Variants in ICE1 observed in about 807,000 individuals in gnomAD.
ICE1 encodes the protein interactor of little elongation complex ELL subunit 1.
A neutral mutation model predicts 192.7 loss-of-function variants in ICE1; 64 were observed. The observed-to-expected ratio is 0.33, with a 90% confidence interval of 0.27 to 0.41. The LOEUF (loss-of-function observed/expected upper bound fraction) is 0.41, where lower values mean the gene tolerates loss of function less well. Among genes scored for constraint, ICE1 ranks in the 10% least tolerant of loss-of-function variants. The pLI, the probability that ICE1 is intolerant of heterozygous loss-of-function variation, is 1.00. For missense variants in ICE1, 2,708 were observed against 2,696.0 expected, an observed-to-expected ratio of 1.00 and a Z score of -0.10; for synonymous variants, 1,010 against 984.5, an observed-to-expected ratio of 1.03 and a Z score of -0.49.
intron 1 of ICE1, among the ~76,000 whole-genome samples, chr5:5,425,911 C>T (rs929401112): frequency 2.6e-5 from 4 of 152,150 alleles, no homozygotes; most frequent in African/African-American, 9.7e-5. Context: ...AAAGAATGGG[C>T]AGGTCTCATG....
intron 1 of ICE1, among the ~76,000 whole-genome samples, chr5:5,433,241 C>T (rs1561073156): frequency 6.6e-6 from 1 of 152,148 alleles, no homozygotes; most frequent in South Asian, 2.1e-4. Flanking sequence ...AAGCAAACCT[C>T]TTTCTGCTGG....
intron 12 of ICE1, among the ~76,000 whole-genome samples, chr5:5,459,990 TC>T (rs1456467611): frequency 6.6e-6 from 1 of 150,748 alleles, no homozygotes; most frequent in African/African-American, 2.4e-5. Flanking sequence ...ACAGCGTCCC[TC>T]CCCCCCTGCA....
rs553640116 is a variant in ICE1 at position 5,445,612 on chromosome 5, C to T, written c.424+1286C>T. 1.3e-4 allele frequency among the ~76,000 whole-genome samples: 20 copies of T among 152,016 alleles called. No homozygotes were observed. In the South Asian group the frequency reaches 3.5e-3, roughly 27 times the overall value. On this transcript the variant is annotated intron_variant, in intron 7 of 18. Transcript: ENST00000296564. ...AAACCTAGCTAATTTTTGGCTTTCACCATGTTGGCCAGACTGGTCTCGAAC... is the reference window on the plus strand; with the variant it reads ...AAACCTAGCTAATTTTTGGCTTTCATCATGTTGGCCAGACTGGTCTCGAAC...
Position 5,463,204 on chromosome 5 carries a change from A to G in ICE1, c.3870A>G (p.Val1290=). The part of the protein sequence containing the change: ...KDTGSLLLLN[V]NNNMTTENLK... ...CTGGCAGTTTATTGCTCTTAAATGT[A>G]AATAACAACATGACCACTGAGAATT... Residue 1290 remains valine (V), a synonymous_variant, in exon 13 of 19, where the codon GTA becomes GTG. Transcript: ENST00000296564. The G allele has an allele frequency of 1.9e-6, 3 of 1,611,490 alleles. No individual in the cohort carries two copies. The highest frequency in any genetic ancestry group is 2.5e-6 in the Non-Finnish European group (3 of 1,179,060).
At chr5:5,457,295 G>T (rs780209252) in intron 11 of ICE1, 37 bp from the exon 12 acceptor site, 14 of 1,479,564 alleles carry the variant, frequency 9.5e-6, no homozygotes, top group East Asian at 4.6e-5. Context: ...TCTTGATATT[G>T]TAAATACCTG....
intron 1 of ICE1, 109 bp from the exon 2 acceptor site, chr5:5,436,309 T>C (rs1737871192): frequency 4.3e-6 from 3 of 690,286 alleles, no homozygotes; most frequent in Non-Finnish European, 6.8e-6. Flanking sequence ...TTAACATTTC[T>C]ATGTTTATAT....
In ICE1 at chr5:5,461,364, C is replaced by T. The variant is rs1362108054; in HGVS notation, c.2030C>T (p.Thr677Ile). ...EPHHSEHKLQ[T>I]KTLNTLHLQS... is the part of the protein sequence containing the mutation. ...CATCATTCAGAACATAAATTGCAAA[C>T]TAAAACTTTAAACACATTACATCTG... Residue 677 changes from threonine to isoleucine, a missense_variant, in exon 13 of 19, where the codon ACT becomes ATT. This residue lies in a region of ICE1 where 2,366 missense variants were observed against 2,276.6 expected (regional missense o/e 1.04). Transcript: ENST00000296564. The T allele has an allele frequency of 1.2e-6, 2 of 1,613,892 alleles. No individual in the cohort carries two copies. The highest frequency in any genetic ancestry group is 2.2e-5 in the East Asian group (1 of 44,864).
In ICE1 at chr5:5,422,945, G is replaced by T. The variant is rs528063438; in HGVS notation, c.30G>T (p.Ala10=). 119 of 1,447,752 alleles carry T rather than the reference G, an allele frequency of 8.2e-5. No homozygotes were observed. In the African/African-American group the frequency reaches 1.6e-3, roughly 19 times the overall value. The allele number at this position is 1,447,752 out of a possible 1,614,324, so 89.7% of individuals were successfully genotyped here. The stretch of plus-strand genomic sequence containing the variant: ...TGCCGGGCGAGACCCATTCGGCGGC[G>T]CCCGGGACGGCGGCGGACCTGTCGC... The part of the protein sequence containing the change: MMPGETHSA[A]PGTAADLSRC... Residue 10 remains alanine, a synonymous_variant, in exon 1 of 19, where the codon GCG becomes GCT. Transcript: ENST00000296564.
chr5:5,454,219 G>A (rs1738519925), intron 10 of ICE1, among the ~76,000 whole-genome samples: 1 of 152,158 alleles, frequency 6.6e-6, no homozygotes. Context: ...GTGAAAATAT[G>A]TGGGCCAAAG....
intron 10 of ICE1, among the ~76,000 whole-genome samples, chr5:5,451,259 A>T (rs913901425): frequency 1.3e-5 from 2 of 152,228 alleles, no homozygotes; most frequent in African/African-American, 4.8e-5. Flanking sequence ...TCTTTAAGAT[A>T]TAGCCAATTC....
In ICE1 at chr5:5,422,924, G is replaced by A. The variant is rs1044318581; in HGVS notation, c.9G>A (p.Pro3=). Residue 3 remains proline (P), a synonymous_variant, in exon 1 of 19, where the codon CCG becomes CCA. Transcript: ENST00000296564. Reference sequence around the variant, plus strand: ...GGCCCGGCGGCGGCACCATGATGCCGGGCGAGACCCATTCGGCGGCGCCCG... The same window carrying A: ...GGCCCGGCGGCGGCACCATGATGCCAGGCGAGACCCATTCGGCGGCGCCCG... MM[P]GETHSAAPGT... 4 of 1,430,524 alleles carry A rather than the reference G, an allele frequency of 2.8e-6. No individual in the cohort carries two copies. The highest frequency in any genetic ancestry group is 3.1e-5 in the East Asian group (1 of 32,466). 88.6% of individuals were successfully genotyped at this position (1,430,524 alleles called of 1,614,324 possible).
At position 5,464,369 on chromosome 5, in the gene ICE1, C is replaced by T; in HGVS notation, c.5035C>T (p.Pro1679Ser). ...VSPFRETPVP[P>S]AMSPWPEDPR... is the part of the protein sequence containing the mutation. The stretch of plus-strand genomic sequence containing the variant: ...TCCCTTCCGTGAAACCCCAGTGCCT[C>T]CTGCCATGTCTCCATGGCCAGAGGA... The change falls in exon 13 of 19, where the codon CCT (proline) becomes TCT (serine). Residue 1679 changes from proline (P) to serine (S), a missense_variant. Pro to Ser is a moderately conservative substitution (Grantham distance 74, BLOSUM62 -1). This residue lies in a region of ICE1 where 2,366 missense variants were observed against 2,276.6 expected (regional missense o/e 1.04). Coordinates refer to ENST00000296564, the MANE Select transcript of ICE1 (RefSeq NM_015325.3). The surrounding 1 kb of genome is among the most constrained non-coding windows in gnomAD (Gnocchi z 4.0). 1 of 1,613,850 alleles carries T rather than the reference C, an allele frequency of 6.2e-7. No homozygotes were observed. The highest frequency in any genetic ancestry group is 1.1e-5 in the South Asian group (1 of 91,072).
rs758285738 is a variant in ICE1, at chr5:5,462,135, A to T, written c.2801A>T (p.Lys934Ile). The change falls in exon 13 of 19, where the codon AAA becomes ATA. Residue 934 changes from lysine to isoleucine, a missense_variant. Transcript: ENST00000296564. ...CCAGAAGTTTCTGCCTCTAGGAGAA[A>T]ATTAGATTTTAATTCTCCAGGTGGT... Reference protein sequence around the residue: ...ISPEVSASRRKLDFNSPGGSS... With the variant: ...ISPEVSASRRILDFNSPGGSS... 126 of 1,613,802 alleles carry T rather than the reference A, an allele frequency of 7.8e-5. No individual in the cohort carries two copies. The highest frequency in any genetic ancestry group is 9.9e-5 in the Non-Finnish European group (117 of 1,179,828).
Position 5,464,753 on chromosome 5 carries a change from G to T in ICE1, c.5419G>T (p.Val1807Phe). 6.2e-7 allele frequency: 1 copy of T among 1,613,796 alleles called. No homozygotes were observed. The change falls in exon 13 of 19, where the codon GTC becomes TTC. Residue 1807 changes from valine (V) to phenylalanine (F), a missense_variant. Around this residue, in one of 2 missense-constraint regions of ICE1, gnomAD observed 2,366 missense variants for 2,276.6 expected, o/e 1.04. Coordinates refer to ENST00000296564, the MANE Select transcript of ICE1 (RefSeq NM_015325.3). This position sits in a 1 kb window ranked among gnomAD's most constrained non-coding sequence, Gnocchi z 4.0. ...KTITSAATAF[V>F]KTGSSSGGDC... Reference sequence around the variant, plus strand: ...GATCACTTCAGCAGCAACTGCTTTTGTCAAAACTGGGAGCAGCTCTGGTGG... The same window carrying T: ...GATCACTTCAGCAGCAACTGCTTTTTTCAAAACTGGGAGCAGCTCTGGTGG...
intron 1 of ICE1, among the ~76,000 whole-genome samples, chr5:5,435,669 T>TG (rs1196821273): frequency 5.4e-4 from 70 of 129,882 alleles, no homozygotes; most frequent in East Asian, 3.9e-3. Flanking sequence ...TTTTTTTTTT[T>TG]TTTGTTTTGT....
chr5:5,434,758 TCTTCAAATA>T (rs1322822303), intron 1 of ICE1, among the ~76,000 whole-genome samples: 8 of 152,336 alleles, frequency 5.3e-5, no homozygotes, highest in African/African-American at 1.9e-4. Flanking sequence ...GCCAAAATGC[TCTTCAAATA>T]CTACCACCCA....
intron 1 of ICE1, among the ~76,000 whole-genome samples, chr5:5,429,530 A>G (rs1279457034): frequency 6.6e-6 from 1 of 152,212 alleles, no homozygotes; most frequent in African/African-American, 2.4e-5. Flanking sequence ...CTAGCCCAAG[A>G]TGTCAGTAGT....
intron 17 of ICE1, among the ~76,000 whole-genome samples, chr5:5,478,783 A>G (rs1739414493): frequency 1.3e-5 from 2 of 152,206 alleles, no homozygotes; most frequent in African/African-American, 4.8e-5. Flanking sequence ...GACCTCAGAA[A>G]TAACTACACA....
chr5:5,432,712 A>G (rs1215690390), intron 1 of ICE1, among the ~76,000 whole-genome samples: 8 of 152,178 alleles, frequency 5.3e-5, no homozygotes, highest in South Asian at 2.1e-4. Flanking sequence ...TAGTTATTCT[A>G]GAGTGTTCAT....
Sources: gnomAD v4.1 joint callset for allele counts (sites outside exome capture counted in the v4.1 genomes callset) on GRCh38, gnomAD v4.1.1 for gene constraint, gnomAD v4.1.1 regional missense constraint, Gnocchi (gnomAD v3.1) non-coding constraint, MANE v1.5 for transcripts, NCBI Gene and HGNC (gene_info 2026-07-23, HGNC 2026-07-21) for gene names.